The following GEMIN5 variants were observed in gnomAD, a reference collection of about 807,000 sequenced individuals.
GEMIN5 encodes the protein gem nuclear organelle associated protein 5.
GEMIN5 carries 124 observed loss-of-function variants against 176.9 expected under a neutral mutation model. The observed-to-expected ratio is 0.70, with a 90% CI of 0.61 to 0.81. The LOEUF is 0.81. Ranked by LOEUF, GEMIN5 falls within the 40% of genes least tolerant of loss-of-function variation. GEMIN5 has a pLI of 0.00. For synonymous variants in GEMIN5, 673 were observed against 665.2 expected, an observed-to-expected ratio of 1.01 and a Z score of -0.18; for missense variants, 1,843 against 1,814.6, an observed-to-expected ratio of 1.02 and a Z score of -0.28.
chr5:154,888,396 A>C lies in GEMIN5; in HGVS notation c.4360-19T>G. ...GCCAGGCCTGAAAGACGATGACATG[A>C]GGATGAATAAGGAAGCATTTGCAGA... On this transcript the variant is annotated intron_variant, in intron 27 of 27. Coordinates refer to ENST00000285873, the MANE Select transcript of GEMIN5 (RefSeq NM_015465.5). 1.9e-6 allele frequency: 3 copies of C among 1,604,278 alleles called. No individual in the cohort carries two copies. The highest frequency in any genetic ancestry group is 2.6e-6 in the Non-Finnish European group (3 of 1,174,862).
chr5:154,924,647 A>G, intron 8 of GEMIN5, 93 bp from the exon 9 acceptor site: 1 of 783,842 alleles, frequency 1.3e-6, no homozygotes, highest in South Asian at 1.6e-5. Flanking sequence ...CCAAAGGGAA[A>G]ACTGTCTTGC....
chr5:154,909,365 G>A (rs1763644300), intron 15 of GEMIN5, among the ~76,000 whole-genome samples: 1 of 151,788 alleles, frequency 6.6e-6, no homozygotes, highest in Non-Finnish European at 1.5e-5. Flanking sequence ...AAGAGCTTGT[G>A]CTTCTCCCCA....
intron 3 of GEMIN5, among the ~76,000 whole-genome samples, chr5:154,933,734 G>A (rs1286731409): frequency 1.3e-5 from 2 of 151,824 alleles, no homozygotes; most frequent in Non-Finnish European, 2.9e-5. Flanking sequence ...TTGAAGACCC[G>A]GACTTTGAAA....
intron 25 of GEMIN5, 43 bp downstream of exon 25, chr5:154,892,344 T>A (rs1763246632): frequency 1.3e-6 from 2 of 1,498,452 alleles, no homozygotes; most frequent in Non-Finnish European, 1.9e-6. Flanking sequence ...GTGGTGATGT[T>A]GTCCATTAAA....
intron 21 of GEMIN5, among the ~76,000 whole-genome samples, chr5:154,900,396 G>A (rs1763438788): frequency 6.6e-6 from 1 of 152,212 alleles, no homozygotes; most frequent in Admixed American, 6.5e-5. Flanking sequence ...CCATGATGGA[G>A]TAACTGGGAC....
In GEMIN5 at chr5:154,891,419, C is replaced by T. The variant is rs769186951; in HGVS notation, c.4084G>A (p.Glu1362Lys). The T allele has an allele frequency of 6.2e-7, 1 of 1,614,168 alleles. No individual in the cohort carries two copies. The highest frequency in any genetic ancestry group is 8.5e-7 in the Non-Finnish European group (1 of 1,180,020). ...GAGTTTTGGAGACTGGCATGCTTTT[C>T]TGAAAAGAGCTCCTTAAAAGTACTC... ...MLSTFKELFS[E>K]KHASLQNSQR... is the part of the protein sequence containing the mutation. The change falls in exon 26 of 28, where the codon GAA becomes AAA. Residue 1362 changes from glutamate (E) to lysine (K), a missense_variant. Transcript: ENST00000285873.
intron 9 of GEMIN5, among the ~76,000 whole-genome samples, chr5:154,923,419 T>A (rs972974908): frequency 1.3e-5 from 2 of 152,186 alleles, no homozygotes; most frequent in African/African-American, 4.8e-5. Flanking sequence ...CATAAATGAT[T>A]TTCACTCAGA....
intron 13 of GEMIN5, among the ~76,000 whole-genome samples, chr5:154,913,357 T>G (rs1264488330): frequency 6.6e-6 from 1 of 152,136 alleles, no homozygotes; most frequent in Non-Finnish European, 1.5e-5. Context: ...CCACAGTGCT[T>G]AGCATATAGA....
rs144812582 is a variant in GEMIN5 at position 154,914,598 on chromosome 5, C to A, written c.1856-1560G>T. On this transcript the variant is annotated intron_variant, in intron 13 of 27. Coordinates refer to ENST00000285873, the MANE Select transcript of GEMIN5 (RefSeq NM_015465.5). ...ACAGTCATATAGCTAACTGTAGCCT[C>A]CAACTCCTGGGCTCAAGGGATCCTC... is the stretch of plus-strand genomic sequence containing the variant. 1.5e-4 allele frequency among the ~76,000 whole-genome samples: 23 copies of A among 151,500 alleles called. No individual in the cohort carries two copies. The East Asian group carries it at 4.1e-3, about 27-fold the overall frequency.
chr5:154,929,958 G>A (rs73807207), intron 5 of GEMIN5, among the ~76,000 whole-genome samples: 15,041 of 152,292 alleles, frequency 0.099, 842 homozygotes, highest in Admixed American at 0.15. Flanking sequence ...CCATCAGTGT[G>A]TGAGATATGA....
In GEMIN5 at chr5:154,900,973, C is replaced by T. The variant is rs1422128702; in HGVS notation, c.3014+366G>A. On this transcript the variant is annotated intron_variant, in intron 21 of 27. Coordinates refer to ENST00000285873, the MANE Select transcript of GEMIN5 (RefSeq NM_015465.5). Reference sequence around the variant, plus strand: ...GCTGATACACAACTTTACTACTTACCAAAACAAAGTTTAACACTCTCTAAA... The same window carrying T: ...GCTGATACACAACTTTACTACTTACTAAAACAAAGTTTAACACTCTCTAAA... Among the ~76,000 whole-genome samples the T allele has an allele frequency of 6.6e-5, 10 of 152,230 alleles. No homozygotes were observed. The East Asian group carries it at 1.9e-3, about 29-fold the overall frequency.
chr5:154,899,609 G>A, intron 21 of GEMIN5, among the ~76,000 whole-genome samples: 1 of 62,976 alleles, frequency 1.6e-5, no homozygotes, highest in Non-Finnish European at 3.4e-5. Flanking sequence ...TCAGTTATGT[G>A]CTTTTTTATT....
intron 6 of GEMIN5, 70 bp from the exon 7 acceptor site, chr5:154,927,620 G>A: frequency 8.5e-7 from 1 of 1,179,048 alleles, no homozygotes; most frequent in South Asian, 1.5e-5. Flanking sequence ...TTGAGACAGA[G>A]TCTGGGCTCA....
intron 4 of GEMIN5, 176 bp from the exon 5 acceptor site, chr5:154,931,753 G>A (rs1412288387): frequency 1.1e-5 from 6 of 555,762 alleles, no homozygotes; most frequent in Admixed American, 3.4e-5. Context: ...AGTGGCTCAC[G>A]CCTGTAATCC....
intron 21 of GEMIN5, among the ~76,000 whole-genome samples, chr5:154,900,491 T>C (rs559595720): frequency 1.1e-4 from 16 of 152,272 alleles, no homozygotes; most frequent in South Asian, 1.0e-3. Context: ...ACAGGCAGCA[T>C]AGGATGGTCA....
At chr5:154,897,123 G>A (rs1582651924) in intron 23 of GEMIN5, among the ~76,000 whole-genome samples, 1 of 152,202 alleles carries the variant, frequency 6.6e-6, no homozygotes, top group Non-Finnish European at 1.5e-5. Flanking sequence ...TTCTAGACTT[G>A]GTCATTTTAT....
chr5:154,902,797 T>G (rs1186727835), intron 19 of GEMIN5, 121 bp from the exon 20 acceptor site: 2 of 994,716 alleles, frequency 2.0e-6, no homozygotes, highest in African/African-American at 3.2e-5. Context: ...CATTCTCTGA[T>G]GGGTGTCACC....
At position 154,932,203 on chromosome 5, in the gene GEMIN5, T is replaced by G; in HGVS notation, c.557A>C (p.Glu186Ala). ...VVIIDISKKG[E>A]VIHRLRGHDD... is the part of the protein sequence containing the mutation. ...ATGGCCTCGAAGCCTATGAATAACT[T>G]CTCCTTTCTTACTGATGTCAATTAT... The change falls in exon 4 of 28, where the codon GAA becomes GCA. Residue 186 changes from glutamate (E) to alanine (A), a missense_variant. Coordinates refer to ENST00000285873, the MANE Select transcript of GEMIN5 (RefSeq NM_015465.5). The G allele has an allele frequency of 6.2e-7, 1 of 1,611,306 alleles. No individual in the cohort carries two copies. The highest frequency in any genetic ancestry group is 8.5e-7 in the Non-Finnish European group (1 of 1,177,474).
chr5:154,898,683 CACAA>C (rs1195861567), intron 22 of GEMIN5, 33 bp from the exon 23 acceptor site: 3 of 1,476,404 alleles, frequency 2.0e-6, no homozygotes, highest in Non-Finnish European at 2.8e-6. Flanking sequence ...AAGAAAATGT[CACAA>C]ACAGATTTTT....
Sources: gnomAD v4.1 joint callset for allele counts (sites outside exome capture counted in the v4.1 genomes callset) on GRCh38, gnomAD v4.1.1 for gene constraint, MANE v1.5 for transcripts, NCBI Gene and HGNC (gene_info 2026-07-23, HGNC 2026-07-21) for gene names.